Variants in STK32C observed in about 807,000 individuals in gnomAD.
STK32C encodes serine/threonine kinase 32C, also known as serine/threonine-protein kinase 32C.
A neutral mutation model predicts 56.5 loss-of-function variants in STK32C; 31 were observed. That is an observed-to-expected ratio of 0.55 (90% confidence interval 0.41 to 0.74). The LOEUF (loss-of-function observed/expected upper bound fraction) is 0.74, where lower values mean the gene tolerates loss of function less well. STK32C is among the 30% of genes least tolerant of loss of function. The probability of loss-of-function intolerance (pLI) is 0.00; values close to 1 mark genes in which losing one functional copy is unlikely to be tolerated. For missense variants in STK32C, 544 were observed against 676.9 expected (o/e 0.80, Z 2.18); for synonymous variants, 309 against 289.4 (o/e 1.07, Z -0.69).
intron 4 of STK32C, among the ~76,000 whole-genome samples, chr10:132,226,101 C>T (rs1028076738): frequency 1.3e-5 from 2 of 152,238 alleles, no homozygotes; most frequent in South Asian, 4.1e-4. Flanking sequence ...CTCCAAGACT[C>T]GGCCTCTAGG....
At chr10:132,263,117 T>C (rs545150708) in intron 1 of STK32C, among the ~76,000 whole-genome samples, 3 of 152,286 alleles carry the variant, frequency 2.0e-5, no homozygotes, top group Non-Finnish European at 4.4e-5. Flanking sequence ...AACAAATCGT[T>C]CTACCAAAAA....
intron 2 of STK32C, among the ~76,000 whole-genome samples, chr10:132,244,637 T>C (rs1394777761): frequency 2.0e-5 from 3 of 152,196 alleles, no homozygotes; most frequent in Non-Finnish European, 4.4e-5. Context: ...TTGAACCTGA[T>C]TTCTGGATGC....
Position 132,217,475 on chromosome 10 carries a change from C to T in STK32C, c.1251+5166G>A, listed in dbSNP as rs577168708. ...GGACTGTGGACTTTTGAGTTAATGCCAAAATAAGACTATGGGGGACTGTTG... is the reference window on the plus strand; with the variant it reads ...GGACTGTGGACTTTTGAGTTAATGCTAAAATAAGACTATGGGGGACTGTTG... On this transcript the variant is annotated intron_variant, in intron 10 of 11. Coordinates refer to ENST00000298630, the MANE Select transcript of STK32C (RefSeq NM_173575.4). Among the ~76,000 whole-genome samples, 9 of 152,136 alleles carry T rather than the reference C, an allele frequency of 5.9e-5. No individual in the cohort carries two copies. In the South Asian group the frequency reaches 1.9e-3, roughly 32 times the overall value.
intron 1 of STK32C, chr10:132,330,433 G>C: frequency 1.4e-6 from 1 of 717,246 alleles, no homozygotes; most frequent in South Asian, 1.5e-5. Flanking sequence ...GCTCTGCCCG[G>C]GTGGCTGGCC....
rs555683339 is a variant in STK32C at position 132,306,729 on chromosome 10, T to C, written c.262+843A>G. ...AGAAAATGTCAAAAAACATGAAATG[T>C]GTCATCAATGTACGATTTTAAATGA... is the stretch of plus-strand genomic sequence containing the variant. On this transcript the variant is annotated intron_variant, in intron 1 of 11. Transcript: ENST00000298630. Among the ~76,000 whole-genome samples the C allele has an allele frequency of 5.2e-5, 8 of 152,390 alleles. No homozygotes were observed. In the East Asian group the frequency reaches 1.5e-3, roughly 29 times the overall value.
intron 1 of STK32C, among the ~76,000 whole-genome samples, chr10:132,329,909 G>T (rs2066604649): frequency 6.6e-6 from 1 of 152,248 alleles, no homozygotes; most frequent in South Asian, 2.1e-4. Flanking sequence ...CATGAAAAGA[G>T]AAGATAGATT....
At chr10:132,235,477 A>G (rs2063247603) in intron 2 of STK32C, among the ~76,000 whole-genome samples, 1 of 129,552 alleles carries the variant, frequency 7.7e-6, no homozygotes, top group Non-Finnish European at 1.6e-5. Context: ...GCCTGGCAAC[A>G]GAGCAAGACT....
At chr10:132,275,255 CACAG>C (rs1222819626) in intron 1 of STK32C, among the ~76,000 whole-genome samples, 1 of 152,196 alleles carries the variant, frequency 6.6e-6, no homozygotes, top group African/African-American at 2.4e-5. Flanking sequence ...CATGGCTACT[CACAG>C]ACAGCCCCAC....
intron 1 of STK32C, among the ~76,000 whole-genome samples, chr10:132,291,204 A>G (rs1326710625): frequency 6.6e-6 from 1 of 152,180 alleles, no homozygotes; most frequent in East Asian, 1.9e-4. Flanking sequence ...CGCTCTCTGG[A>G]GCATTGCCGT....
chr10:132,237,690 G>GT (rs941792576), intron 2 of STK32C, among the ~76,000 whole-genome samples: 4 of 152,184 alleles, frequency 2.6e-5, no homozygotes, highest in Non-Finnish European at 4.4e-5. Context: ...CTGCCCCCAA[G>GT]TGCAGCTTCA....
intron 1 of STK32C, chr10:132,331,293 G>A (rs1776501400): frequency 1.6e-5 from 12 of 764,710 alleles, no homozygotes; most frequent in Non-Finnish European, 2.5e-5. Context: ...GACAGAGGGT[G>A]CTACTTTTCA....
chr10:132,215,570 C>A (rs554523651), intron 10 of STK32C, among the ~76,000 whole-genome samples: 1 of 151,510 alleles, frequency 6.6e-6, no homozygotes, highest in East Asian at 2.0e-4. Context: ...TGCCTTCCGC[C>A]ATGATTGTGA....
At chr10:132,245,279 C>T (rs1472111572) in intron 2 of STK32C, among the ~76,000 whole-genome samples, 1 of 152,224 alleles carries the variant, frequency 6.6e-6, no homozygotes, top group Non-Finnish European at 1.5e-5. Context: ...GTGATTCATC[C>T]ACAACAGAGC....
At position 132,245,918 on chromosome 10, in the gene STK32C, C is replaced by T. The variant is rs750705065; in HGVS notation, c.300G>A (p.Gly100=). ...FDHFQILRAI[G]KGSFGKVCIV... is the part of the protein sequence containing the mutation. ...GCCTTACCTTGCCAAAGCTGCCCTT[C>T]CCAATGGCCCGAAGGATCTGGAAGT... Residue 100 remains glycine, a synonymous_variant, in exon 2 of 12, where the codon GGG becomes GGA. Transcript: ENST00000298630. 9 of 1,613,402 alleles carry T rather than the reference C, an allele frequency of 5.6e-6. No individual in the cohort carries two copies. Among genetic ancestry groups the T allele is most frequent in the South Asian group, 1.1e-5 (1 of 91,086 alleles).
At chr10:132,229,859 G>A (rs529198990) in intron 2 of STK32C, among the ~76,000 whole-genome samples, 2 of 152,370 alleles carry the variant, frequency 1.3e-5, no homozygotes, top group South Asian at 2.1e-4. Context: ...GGGTGGATCC[G>A]GCTGCAGCAC....
At chr10:132,246,057 C>T (rs1442143403) in intron 1 of STK32C, 102 bp from the exon 2 acceptor site, 10 of 1,191,202 alleles carry the variant, frequency 8.4e-6, no homozygotes, top group Non-Finnish European at 1.1e-5. Context: ...CTGCCCAGGG[C>T]CCCTCATCCT....
chr10:132,326,311 G>A (rs1430075048), intron 1 of STK32C, among the ~76,000 whole-genome samples: 1 of 152,168 alleles, frequency 6.6e-6, no homozygotes, highest in Admixed American at 6.5e-5. Flanking sequence ...TATTGCTACA[G>A]AGTCTGTTCT....
chr10:132,242,200 G>A (rs1462205740), intron 2 of STK32C, among the ~76,000 whole-genome samples: 3 of 152,146 alleles, frequency 2.0e-5, no homozygotes, highest in East Asian at 1.9e-4. Flanking sequence ...GGGTGCAGAC[G>A]GCCTTCAAGC....
chr10:132,320,312 A>G (rs545210909), downstream of STK32C, among the ~76,000 whole-genome samples: 1 of 152,058 alleles, frequency 6.6e-6, no homozygotes, highest in African/African-American at 2.4e-5. Flanking sequence ...GTGATTAGTC[A>G]TAACTGTTGC....
Sources: gnomAD v4.1 joint callset for allele counts (sites outside exome capture counted in the v4.1 genomes callset) on GRCh38, gnomAD v4.1.1 for gene constraint, MANE v1.5 for transcripts, NCBI Gene and HGNC (gene_info 2026-07-23, HGNC 2026-07-21) for gene names.